MEIS2: variants seen among roughly 807,000 people sequenced by gnomAD.
MEIS2 encodes Meis homeobox 2, also known as homeobox protein Meis2.
MEIS2 carries 9 observed loss-of-function variants against 58.6 expected under a neutral mutation model. The observed-to-expected ratio is 0.15, with a 90% CI of 0.09 to 0.27. MEIS2 has a LOEUF of 0.27. Among genes scored for constraint, MEIS2 ranks in the 10% least tolerant of loss-of-function variants. The probability of loss-of-function intolerance (pLI) is 1.00; values close to 1 mark genes in which losing one functional copy is unlikely to be tolerated. For synonymous variants in MEIS2, 221 were observed against 228.4 expected, an observed-to-expected ratio of 0.97 and a Z score of 0.29; for missense variants, 427 against 635.0, an observed-to-expected ratio of 0.67 and a Z score of 3.52.
intron 7 of MEIS2, among the ~76,000 whole-genome samples, chr15:37,046,778 G>T (rs940427814): frequency 6.6e-6 from 1 of 151,844 alleles, no homozygotes; most frequent in Non-Finnish European, 1.5e-5. Context: ...AGAAGAGAAT[G>T]AAAGCTTCCA....
intron 7 of MEIS2, among the ~76,000 whole-genome samples, chr15:37,044,732 C>T (rs1353247290): frequency 6.6e-6 from 1 of 152,204 alleles, no homozygotes; most frequent in Non-Finnish European, 1.5e-5. Flanking sequence ...ATGCTCTCTA[C>T]TTCTTCAACA....
At chr15:36,979,005 T>A (rs1014255418) in intron 8 of MEIS2, among the ~76,000 whole-genome samples, 1 of 152,180 alleles carries the variant, frequency 6.6e-6, no homozygotes, top group African/African-American at 2.4e-5. Flanking sequence ...TGCATTTTTT[T>A]AAAGATGTTT....
intron 8 of MEIS2, among the ~76,000 whole-genome samples, chr15:37,010,768 G>T (rs2061122145): frequency 6.6e-6 from 1 of 152,220 alleles, no homozygotes; most frequent in African/African-American, 2.4e-5. Context: ...ATTGAATGGG[G>T]GTTGAGGGTG....
chr15:36,987,237 G>GTC (rs534086779), intron 8 of MEIS2, among the ~76,000 whole-genome samples: 234 of 151,952 alleles, frequency 1.5e-3, no homozygotes, highest in African/African-American at 5.5e-3. Flanking sequence ...GCAAAACCCT[G>GTC]TCTCTACAAA....
At chr15:37,029,912 C>T (rs1274609739) in intron 8 of MEIS2, among the ~76,000 whole-genome samples, 1 of 152,118 alleles carries the variant, frequency 6.6e-6, no homozygotes, top group Non-Finnish European at 1.5e-5. Context: ...ACCCATAATC[C>T]CAGCACTCTG....
chr15:37,019,728 CT>C (rs1253615501), intron 8 of MEIS2, among the ~76,000 whole-genome samples: 2 of 152,160 alleles, frequency 1.3e-5, no homozygotes, highest in Admixed American at 1.3e-4. Flanking sequence ...ACAGCAGGCC[CT>C]GGTCTTAGGT....
intron 7 of MEIS2, among the ~76,000 whole-genome samples, chr15:37,079,631 T>C (rs1332405076): frequency 6.6e-6 from 1 of 152,182 alleles, no homozygotes; most frequent in African/African-American, 2.4e-5. Flanking sequence ...TATAAACACT[T>C]ACATTCACTA....
intron 9 of MEIS2, among the ~76,000 whole-genome samples, chr15:36,939,971 A>G (rs1307385858): frequency 6.6e-6 from 1 of 152,190 alleles, no homozygotes; most frequent in African/African-American, 2.4e-5. Flanking sequence ...ATGGCAGGAT[A>G]TTGGTTCCCA....
At chr15:36,893,895 A>G (rs2056023463) in intron 11 of MEIS2, among the ~76,000 whole-genome samples, 1 of 152,256 alleles carries the variant, frequency 6.6e-6, no homozygotes, top group Non-Finnish European at 1.5e-5. Context: ...GCCTCATTAA[A>G]CAAGGAAGTT....
intron 8 of MEIS2, among the ~76,000 whole-genome samples, chr15:36,990,101 C>T (rs951685996): frequency 3.3e-5 from 5 of 152,088 alleles, no homozygotes; most frequent in East Asian, 1.9e-4. Flanking sequence ...CCCGCCACCA[C>T]GCCCAGCTAA....
intron 8 of MEIS2, among the ~76,000 whole-genome samples, chr15:36,979,685 T>C (rs982330626): frequency 6.8e-6 from 1 of 147,452 alleles, no homozygotes; most frequent in East Asian, 1.9e-4. Flanking sequence ...TCCATTATTA[T>C]ATATAATATA....
At chr15:36,911,089 T>TG (rs2056998078) in intron 9 of MEIS2, among the ~76,000 whole-genome samples, 1 of 151,868 alleles carries the variant, frequency 6.6e-6, no homozygotes, top group South Asian at 2.1e-4. Context: ...AAAGGTAATT[T>TG]GATTATTAGG....
intron 7 of MEIS2, among the ~76,000 whole-genome samples, chr15:37,039,782 G>A (rs1772445588): frequency 3.3e-5 from 5 of 152,042 alleles, no homozygotes; most frequent in Admixed American, 3.3e-4. Context: ...ACAATAATGT[G>A]TCTAGTTTTG....
rs2061366501 is a variant in MEIS2, at chr15:37,016,860, A to G, written c.900+19954T>C. On this transcript the variant is annotated intron_variant, in intron 8 of 11. Transcript: ENST00000561208. ...TGAAACAAATTGCAGAATTGTCAAAATTTTATCGTGAAGGCACACACTCTA... is the reference window on the plus strand; with the variant it reads ...TGAAACAAATTGCAGAATTGTCAAAGTTTTATCGTGAAGGCACACACTCTA... Among the ~76,000 whole-genome samples the G allele has an allele frequency of 4.6e-5, 7 of 152,326 alleles. No individual in the cohort carries two copies. In the South Asian group the frequency reaches 1.4e-3, roughly 32 times the overall value.
rs1466484335 is a variant in MEIS2 at position 37,097,992 on chromosome 15, T to G, written c.220A>C (p.Lys74Gln). Residue 74 changes from lysine (K) to glutamine (Q), a missense_variant, in exon 2 of 12, where the codon AAG (lysine) becomes CAG (glutamine). Lys to Gln is a moderately conservative substitution (Grantham distance 53, BLOSUM62 1). Around this residue, in one of 6 missense-constraint regions of MEIS2, gnomAD observed 103 missense variants for 111.8 expected, o/e 0.92. Transcript: ENST00000561208. ...CCATAGATCGCGTCCTTGTCCCGCTTCAAGGCGTCGTTGACAGCGGATCCC... is the reference window on the plus strand; with the variant it reads ...CCATAGATCGCGTCCTTGTCCCGCTGCAAGGCGTCGTTGACAGCGGATCCC... ...SMGSAVNDALKRDKDAIYGHP... is the reference protein window; with the variant it reads ...SMGSAVNDALQRDKDAIYGHP... The G allele has an allele frequency of 1.2e-6, 2 of 1,607,800 alleles. No individual in the cohort carries two copies. Among genetic ancestry groups the G allele is most frequent in the African/African-American group, 2.7e-5 (2 of 74,916 alleles).
intron 2 of MEIS2, 172 bp from the exon 3 acceptor site, chr15:37,096,602 A>C: frequency 4.3e-6 from 3 of 699,158 alleles, no homozygotes; most frequent in African/African-American, 1.8e-5. Context: ...CAGAAACAGA[A>C]AGGGAAAAGG....
At chr15:37,036,313 A>G (rs1267096245) in intron 8 of MEIS2, 1 of 152,200 alleles carries the variant, frequency 6.6e-6, no homozygotes. Context: ...ATATAAATAC[A>G]TGACATATTT....
At chr15:36,999,432 C>T (rs944096806) in intron 8 of MEIS2, among the ~76,000 whole-genome samples, 1 of 152,108 alleles carries the variant, frequency 6.6e-6, no homozygotes, top group East Asian at 1.9e-4. Flanking sequence ...ACTTAGTTTG[C>T]CTGCCTAGGG....
intron 8 of MEIS2, among the ~76,000 whole-genome samples, chr15:36,981,519 G>A (rs1341684740): frequency 2.6e-5 from 4 of 151,960 alleles, no homozygotes; most frequent in African/African-American, 2.4e-5. Context: ...TTCCTTATCC[G>A]ATATGATACT....
Sources: allele counts gnomAD v4.1 joint callset (sites outside exome capture counted in the v4.1 genomes callset), GRCh38; gene constraint gnomAD v4.1.1; regional missense constraint gnomAD v4.1.1; transcripts MANE v1.5; gene names NCBI Gene and HGNC (gene_info 2026-07-23, HGNC 2026-07-21).